The following HIP1 variants were observed in gnomAD, a reference collection of about 807,000 sequenced individuals.
The protein encoded by HIP1 is huntingtin interacting protein 1, also known as huntingtin-interacting protein 1.
HIP1 carries 65 observed loss-of-function variants against 147.6 expected under a neutral mutation model. The ratio of observed to expected loss-of-function variants is 0.44; its 90% CI spans 0.36 to 0.54. The LOEUF (loss-of-function observed/expected upper bound fraction) is 0.54. Ranked by LOEUF, HIP1 falls within the 20% of genes least tolerant of loss-of-function variation. HIP1 has a pLI of 0.00. For synonymous variants in HIP1, 479 were observed against 504.0 expected (o/e 0.95, Z 0.67); for missense variants, 1,061 against 1,299.6 (o/e 0.82, Z 2.82).
chr7:75,737,551 G>T (rs185223154), intron 1 of HIP1, among the ~76,000 whole-genome samples: 3,267 of 151,976 alleles, frequency 0.021, 121 homozygotes, highest in African/African-American at 0.074. Context: ...TCACCATGTT[G>T]GCCAGGCTGG....
intron 4 of HIP1, among the ~76,000 whole-genome samples, chr7:75,589,832 G>A (rs887774917): frequency 5.3e-5 from 8 of 150,042 alleles, no homozygotes; most frequent in African/African-American, 2.0e-4. Context: ...CCGGGTTCAC[G>A]CCTTTCTCCT....
At chr7:75,595,910 G>C (rs927626266) in intron 2 of HIP1, among the ~76,000 whole-genome samples, 3 of 152,182 alleles carry the variant, frequency 2.0e-5, no homozygotes, top group African/African-American at 7.2e-5. Flanking sequence ...TGCTTATTCA[G>C]TTTGTATCTA....
chr7:75,559,260 A>T (rs757690908), intron 14 of HIP1, among the ~76,000 whole-genome samples: 262 of 152,236 alleles, frequency 1.7e-3, no homozygotes, highest in Non-Finnish European at 2.9e-3. Flanking sequence ...GACTACAGGC[A>T]CGTGCCACCA....
intron 1 of HIP1, among the ~76,000 whole-genome samples, chr7:75,660,042 C>G (rs138496460): frequency 1.3e-5 from 2 of 151,470 alleles, no homozygotes; most frequent in African/African-American, 2.4e-5. Flanking sequence ...GGAAGAATCG[C>G]GTGAACCGGA....
intron 1 of HIP1, among the ~76,000 whole-genome samples, chr7:75,708,404 C>T (rs1232483974): frequency 7.2e-5 from 11 of 152,110 alleles, no homozygotes; most frequent in African/African-American, 2.7e-4. Context: ...CTTTTGGTGT[C>T]ATAGCTCAGA....
chr7:75,598,415 A>AC (rs1364050788), intron 2 of HIP1, among the ~76,000 whole-genome samples: 4 of 147,924 alleles, frequency 2.7e-5, no homozygotes, highest in African/African-American at 7.4e-5. Flanking sequence ...AAAAAAAAAA[A>AC]AACTCTCTTT....
At chr7:75,625,043 G>A (rs1797990650) in intron 1 of HIP1, 1 of 151,484 alleles carries the variant, frequency 6.6e-6, no homozygotes. Flanking sequence ...GAGTAGCTGG[G>A]AATTACTGGC....
intron 13 of HIP1, 146 bp downstream of exon 13, chr7:75,561,183 A>G: frequency 1.4e-6 from 1 of 715,274 alleles, no homozygotes; most frequent in Admixed American, 1.9e-5. Flanking sequence ...CGAACTCCCG[A>G]CCTCAGGTAA....
chr7:75,570,515 TC>T (rs2116876415), intron 8 of HIP1, among the ~76,000 whole-genome samples: 1 of 150,024 alleles, frequency 6.7e-6, no homozygotes, highest in Non-Finnish European at 1.5e-5. Context: ...ATGGTCTCGA[TC>T]TCCTGACCTC....
intron 2 of HIP1, among the ~76,000 whole-genome samples, chr7:75,598,524 G>GA (rs1796845931): frequency 6.6e-6 from 1 of 151,642 alleles, no homozygotes; most frequent in African/African-American, 2.4e-5. Flanking sequence ...GCAAAGAAAG[G>GA]ACCTGGAGGG....
chr7:75,584,122 C>T (rs958917229), intron 5 of HIP1, among the ~76,000 whole-genome samples: 9 of 150,422 alleles, frequency 6.0e-5, no homozygotes, highest in Non-Finnish European at 1.0e-4. Flanking sequence ...CCACCATGCC[C>T]GGCTAATTTT....
intron 1 of HIP1, among the ~76,000 whole-genome samples, chr7:75,689,869 G>C (rs1422204218): frequency 6.6e-6 from 1 of 152,188 alleles, no homozygotes; most frequent in Non-Finnish European, 1.5e-5. Flanking sequence ...GAATTTACAA[G>C]TGGAAACCTT....
At chr7:75,606,288 G>A (rs1554503811) in intron 1 of HIP1, among the ~76,000 whole-genome samples, 1 of 152,198 alleles carries the variant, frequency 6.6e-6, no homozygotes, top group African/African-American at 2.4e-5. Context: ...GTTACAGGGA[G>A]ACAGCAGAAG....
chr7:75,582,166 G>T lies in HIP1; in HGVS notation c.466-15C>A. 1 of 1,607,032 alleles carries T rather than the reference G, an allele frequency of 6.2e-7. No homozygotes were observed. Among genetic ancestry groups the T allele is most frequent in the Non-Finnish European group, 8.5e-7 (1 of 1,173,912 alleles). ...AACCTGGGATTCTGGAAGGGAGGCA[G>T]AGGAAGGGAGTCAGGGCAGAAGACA... On this transcript the variant is annotated splice_polypyrimidine_tract_variant and intron_variant, in intron 5 of 30. Coordinates refer to ENST00000336926, the MANE Select transcript of HIP1 (RefSeq NM_005338.7).
intron 2 of HIP1, 68 bp downstream of exon 2, chr7:75,599,116 C>A (rs1796874300): frequency 2.4e-5 from 29 of 1,222,474 alleles, no homozygotes; most frequent in Non-Finnish European, 3.5e-5. Flanking sequence ...GCAGCCTGGC[C>A]CTGACCTCAG....
At chr7:75,658,887 C>T (rs1799220066) in intron 1 of HIP1, among the ~76,000 whole-genome samples, 1 of 151,944 alleles carries the variant, frequency 6.6e-6, no homozygotes, top group African/African-American at 2.4e-5. Flanking sequence ...GAGTGAGACG[C>T]CATCTCAAAA....
At chr7:75,636,381 G>A (rs1198399142) in intron 1 of HIP1, among the ~76,000 whole-genome samples, 2 of 151,996 alleles carry the variant, frequency 1.3e-5, no homozygotes, top group Admixed American at 1.3e-4. Flanking sequence ...CGCAGAATCA[G>A]GTAAACTATA....
In HIP1 at chr7:75,680,832, G is replaced by A. The variant is rs569704547; in HGVS notation, c.120+57969C>T. Among the ~76,000 whole-genome samples, 12 of 152,192 alleles carry A rather than the reference G, an allele frequency of 7.9e-5. 1 individual carries two copies. The highest frequency in any genetic ancestry group is 2.4e-4 in the African/African-American group (10 of 41,526). On this transcript the variant is annotated intron_variant, in intron 1 of 30. Transcript: ENST00000336926. The stretch of plus-strand genomic sequence containing the variant: ...GCTCTGTCGCCCAGGCTGGAGTGCA[G>A]TGACACGAATTCGGCTCACTGCAAG...
At chr7:75,547,632 C>T (rs1794619388) in intron 24 of HIP1, 123 bp downstream of exon 24, 1 of 794,700 alleles carries the variant, frequency 1.3e-6, no homozygotes, top group Admixed American at 1.8e-5. Flanking sequence ...ATTACATCAA[C>T]TCAGCCCTTC....
Sources: allele counts gnomAD v4.1 joint callset (sites outside exome capture counted in the v4.1 genomes callset), GRCh38; gene constraint gnomAD v4.1.1; transcripts MANE v1.5; gene names NCBI Gene and HGNC (gene_info 2026-07-23, HGNC 2026-07-21).